The following CMKLR1 variants were observed in gnomAD, a reference collection of about 807,000 sequenced individuals.
CMKLR1 encodes the protein chemerin chemokine-like receptor 1.
CMKLR1 carries 6 observed loss-of-function variants against 8.2 expected under a neutral mutation model. The ratio of observed to expected loss-of-function variants is 0.73; its 90% CI spans 0.40 to 1.44. The LOEUF is 1.44. Ranked by LOEUF, CMKLR1 falls within the 40% of genes most tolerant of loss-of-function variation. CMKLR1 has a pLI of 0.02. For synonymous variants in CMKLR1, 178 were observed against 181.2 expected, an observed-to-expected ratio of 0.98 and a Z score of 0.14; for missense variants, 429 against 478.0, an observed-to-expected ratio of 0.90 and a Z score of 0.96.
chr12:108,298,075 G>C (rs1891181251), intron 2 of CMKLR1, among the ~76,000 whole-genome samples: 1 of 152,160 alleles, frequency 6.6e-6, no homozygotes, highest in African/African-American at 2.4e-5. Context: ...TCTCGTTCTT[G>C]ATCATCCATG....
intron 2 of CMKLR1, among the ~76,000 whole-genome samples, chr12:108,296,618 GAGT>G (rs1286151044): frequency 1.3e-5 from 2 of 152,174 alleles, no homozygotes; most frequent in Non-Finnish European, 2.9e-5. Flanking sequence ...TTGAGGCCAG[GAGT>G]TTGAGACCAG....
At chr12:108,332,199 T>C (rs1013880040) in intron 1 of CMKLR1, among the ~76,000 whole-genome samples, 1 of 152,192 alleles carries the variant, frequency 6.6e-6, no homozygotes, top group African/African-American at 2.4e-5. Context: ...AACTGAGGCC[T>C]AAAGAGGTTA....
At chr12:108,310,341 A>C (rs1238150459) in intron 2 of CMKLR1, among the ~76,000 whole-genome samples, 1 of 152,180 alleles carries the variant, frequency 6.6e-6, no homozygotes, top group African/African-American at 2.4e-5. Flanking sequence ...CCTTCTAAAA[A>C]GATTCCAGCT....
intron 2 of CMKLR1, among the ~76,000 whole-genome samples, chr12:108,305,295 T>G (rs1891379203): frequency 1.3e-5 from 2 of 152,104 alleles, no homozygotes; most frequent in South Asian, 4.1e-4. Context: ...AGAGGTGAAG[T>G]GACTAGTCCA....
rs544078330 is a variant in CMKLR1 at position 108,293,664 on chromosome 12, C to A, written c.-73G>T. 11 of 1,319,162 alleles carry A rather than the reference C, an allele frequency of 8.3e-6. No individual in the cohort carries two copies. In the African/African-American group the frequency reaches 1.6e-4, roughly 20 times the overall value. The allele number at this position is 1,319,162 out of a possible 1,614,324, so 81.7% of individuals were successfully genotyped here. On this transcript the variant is annotated splice_region_variant and 5_prime_UTR_variant, in exon 3 of 4. The change abolishes an upstream ATG in the 5' untranslated region. Coordinates refer to ENST00000550402, the MANE Select transcript of CMKLR1 (RefSeq NM_001142343.2). ...CAGTCCCTGTACACAGCTAGAAACA[C>A]CTGTAGGGAAAAAAAAAAAAAAAAA...
At chr12:108,306,338 T>A (rs977826787) in intron 2 of CMKLR1, among the ~76,000 whole-genome samples, 2 of 152,198 alleles carry the variant, frequency 1.3e-5, no homozygotes, top group Non-Finnish European at 2.9e-5. Context: ...TAGGGATCCC[T>A]TGTACTGTCT....
intron 2 of CMKLR1, among the ~76,000 whole-genome samples, chr12:108,310,181 G>GTGTGTA (rs1555252646): frequency 1.3e-5 from 2 of 151,764 alleles, no homozygotes; most frequent in African/African-American, 4.8e-5. Context: ...GTGTGTGTGT[G>GTGTGTA]TGTGTGTGTG....
chr12:108,292,633 G>A lies in CMKLR1; in HGVS notation c.330C>T (p.Ala110=). 1 of 1,614,136 alleles carries A rather than the reference G, an allele frequency of 6.2e-7. No individual in the cohort carries two copies. The highest frequency in any genetic ancestry group is 8.5e-7 in the Non-Finnish European group (1 of 1,180,026). The change falls in exon 4 of 4, where the codon GCC becomes GCT. Residue 110 remains alanine, a synonymous_variant. Transcript: ENST00000550402. ...GAAGGAAGTTGCTGATCTTGCACAT[G>A]GCTGTCCCGAAAACCCAGTGGTAGT... ...AMDYHWVFGT[A]MCKISNFLLI... is the part of the protein sequence containing the mutation.
intron 2 of CMKLR1, among the ~76,000 whole-genome samples, chr12:108,307,099 C>T (rs1027043400): frequency 6.6e-6 from 1 of 152,208 alleles, no homozygotes; most frequent in African/African-American, 2.4e-5. Context: ...CTGGGAGGTC[C>T]AGCACCATAT....
rs556327446 is a variant in CMKLR1, at chr12:108,291,203, G to A, written c.*638C>T. 1 of 152,416 alleles carries A rather than the reference G, an allele frequency of 6.6e-6. No homozygotes were observed. The highest frequency in any genetic ancestry group is 1.5e-5 in the Non-Finnish European group (1 of 68,234). 9.4% of individuals were successfully genotyped at this position (152,416 alleles called of 1,614,324 possible). A position where few individuals can be genotyped will look rare whatever the true frequency, so the allele number is the denominator to read the frequency against. ...CAAGTCCTCGTTGCATCCCTCACTT[G>A]TCTTGCCCTTGCAAAGAGCCCACAG... On this transcript the variant is annotated 3_prime_UTR_variant, in exon 4 of 4. Coordinates refer to ENST00000550402, the MANE Select transcript of CMKLR1 (RefSeq NM_001142343.2).
chr12:108,299,658 AG>A (rs1293078577), intron 2 of CMKLR1, among the ~76,000 whole-genome samples: 1 of 152,162 alleles, frequency 6.6e-6, no homozygotes, highest in East Asian at 1.9e-4. Context: ...GAGGAAAAGC[AG>A]GGGGAAGATT....
At chr12:108,306,694 T>C (rs1454470851) in intron 2 of CMKLR1, among the ~76,000 whole-genome samples, 1 of 152,180 alleles carries the variant, frequency 6.6e-6, no homozygotes, top group Non-Finnish European at 1.5e-5. Flanking sequence ...TCCTTGTTCT[T>C]AGAATCAAGA....
rs1220801126 is a variant in CMKLR1 at position 108,324,555 on chromosome 12, C to T, written c.-74+5440G>A. ...CAGACGAGGCGCCTCTCCCTGGAGC[C>T]GACCCAAAGACTTCCAAGGGGCTCC... On this transcript the variant is annotated intron_variant, in intron 2 of 3. Coordinates refer to ENST00000550402, the MANE Select transcript of CMKLR1 (RefSeq NM_001142343.2). Among the ~76,000 whole-genome samples, 9 of 152,290 alleles carry T rather than the reference C, an allele frequency of 5.9e-5. No individual in the cohort carries two copies. In the East Asian group the frequency reaches 1.4e-3, roughly 23 times the overall value.
In CMKLR1 at chr12:108,325,356, C is replaced by T. The variant is rs185237578; in HGVS notation, c.-74+4639G>A. Among the ~76,000 whole-genome samples the T allele has an allele frequency of 2.1e-4, 32 of 152,270 alleles. No homozygotes were observed. In the East Asian group the frequency reaches 5.0e-3, roughly 24 times the overall value. ...ACAGAGCTTCTTACTAAATCCACAT[C>T]GTGGCTGGGGATATGGGTTGCTGGT... is the stretch of plus-strand genomic sequence containing the variant. On this transcript the variant is annotated intron_variant, in intron 2 of 3. Transcript: ENST00000550402.
In CMKLR1 at chr12:108,292,787, C is replaced by T; in HGVS notation, c.176G>A (p.Gly59Asp). Reference protein sequence around the residue: ...IVCFLGILGNGLVIIIATFKM... With the variant: ...IVCFLGILGNDLVIIIATFKM... ...GAAGGTGGCAATGATGATCACCAGA[C>T]CATTGCCCAGAATCCCGAGGAAGCA... Residue 59 changes from glycine (G) to aspartate (D), a missense_variant, in exon 4 of 4, where the codon GGT (glycine) becomes GAT (aspartate). Gly to Asp is a moderately conservative substitution (Grantham distance 94). Transcript: ENST00000550402. The T allele has an allele frequency of 1.9e-6, 3 of 1,614,136 alleles. No individual in the cohort carries two copies. The highest frequency in any genetic ancestry group is 2.5e-6 in the Non-Finnish European group (3 of 1,180,024).
rs1890966092 is a variant in CMKLR1 at position 108,291,556 on chromosome 12, G to A, written c.*285C>T. 3 of 400,846 alleles carry A rather than the reference G, an allele frequency of 7.5e-6. No individual in the cohort carries two copies. Among genetic ancestry groups the A allele is most frequent in the South Asian group, 3.1e-5 (1 of 32,410 alleles). 24.8% of individuals were successfully genotyped at this position (400,846 alleles called of 1,614,324 possible). A position where few individuals can be genotyped will look rare whatever the true frequency, so the allele number is the denominator to read the frequency against. ...CCGCCCTATGCCAATCCCAGTTCAT[G>A]GCAATGCTTTTGAGAATTCTTCCTT... On this transcript the variant is annotated 3_prime_UTR_variant, in exon 4 of 4. Transcript: ENST00000550402.
intron 1 of CMKLR1, among the ~76,000 whole-genome samples, chr12:108,330,587 G>A (rs1593180221): frequency 6.6e-6 from 1 of 152,218 alleles, no homozygotes; most frequent in Non-Finnish European, 1.5e-5. Flanking sequence ...GCCAATTCGT[G>A]ATTCTTCTGG....
chr12:108,311,124 C>T (rs1184822253), intron 2 of CMKLR1, among the ~76,000 whole-genome samples: 1 of 152,168 alleles, frequency 6.6e-6, no homozygotes, highest in Non-Finnish European at 1.5e-5. Context: ...CAACTTTTCC[C>T]CAGTGAACTG....
intron 1 of CMKLR1, among the ~76,000 whole-genome samples, chr12:108,334,662 T>C (rs1477200040): frequency 1.3e-5 from 2 of 152,218 alleles, no homozygotes; most frequent in Non-Finnish European, 1.5e-5. Flanking sequence ...TACACGTACA[T>C]GAACACCAAC....
Sources: gnomAD v4.1 joint callset for allele counts (sites outside exome capture counted in the v4.1 genomes callset) on GRCh38, gnomAD v4.1.1 for gene constraint, MANE v1.5 for transcripts, NCBI Gene and HGNC (gene_info 2026-07-23, HGNC 2026-07-21) for gene names.